OPCML: variants seen among roughly 807,000 people sequenced by gnomAD.
OPCML encodes the protein opioid-binding protein/cell adhesion molecule.
In OPCML, 13 loss-of-function variants were observed where a neutral mutation model predicts 37.8. That is an observed-to-expected ratio of 0.34 (90% CI 0.22 to 0.55). OPCML has a LOEUF of 0.55. Among genes scored for constraint, OPCML ranks in the 20% least tolerant of loss-of-function variants. The probability of loss-of-function intolerance (pLI) is 0.91; values close to 1 mark genes in which losing one functional copy is unlikely to be tolerated. For missense variants in OPCML, 341 were observed against 435.6 expected (o/e 0.78, Z 1.93); for synonymous variants, 176 against 168.8 (o/e 1.04, Z -0.33).
chr11:133,075,048 G>T (rs913343268), intron 1 of OPCML, among the ~76,000 whole-genome samples: 1 of 152,174 alleles, frequency 6.6e-6, no homozygotes, highest in African/African-American at 2.4e-5. Context: ...AAGTGTGCGT[G>T]CAGTGGACGT....
intron 1 of OPCML, chr11:133,365,606 T>C (rs148921974): frequency 2.6e-5 from 4 of 152,190 alleles, no homozygotes; most frequent in East Asian, 1.9e-4. Flanking sequence ...CCATACCTCA[T>C]GTATGGTAGG....
chr11:132,463,521 G>T (rs532947804), intron 4 of OPCML, among the ~76,000 whole-genome samples: 1 of 152,190 alleles, frequency 6.6e-6, no homozygotes, highest in African/African-American at 2.4e-5. Context: ...AAGATTCCAC[G>T]TGATTCTCAC....
chr11:133,397,520 A>G (rs1945314475), intron 1 of OPCML, among the ~76,000 whole-genome samples: 1 of 152,244 alleles, frequency 6.6e-6, no homozygotes, highest in Non-Finnish European at 1.5e-5. Context: ...CAAAGCAGAG[A>G]TCACCTGGAG....
intron 1 of OPCML, among the ~76,000 whole-genome samples, chr11:133,281,675 G>T (rs1195994020): frequency 6.6e-6 from 1 of 151,848 alleles, no homozygotes; most frequent in Non-Finnish European, 1.5e-5. Flanking sequence ...GAGTGTAGAG[G>T]GCTCAGAAGA....
chr11:132,796,717 A>G (rs1161578955), intron 2 of OPCML, among the ~76,000 whole-genome samples: 1 of 151,740 alleles, frequency 6.6e-6, no homozygotes, highest in African/African-American at 2.4e-5. Flanking sequence ...AGCTGGGACT[A>G]CAGGCGCCAG....
chr11:133,432,738 T>C (rs1401868433), intron 1 of OPCML, among the ~76,000 whole-genome samples: 1 of 152,218 alleles, frequency 6.6e-6, no homozygotes. Flanking sequence ...TTTACATCCA[T>C]GGTTCTCAAA....
intron 2 of OPCML, among the ~76,000 whole-genome samples, chr11:132,912,228 C>A (rs948640859): frequency 2.0e-5 from 3 of 151,888 alleles, no homozygotes; most frequent in Non-Finnish European, 2.9e-5. Flanking sequence ...TTGACCTTAT[C>A]TTTCATAAAG....
chr11:132,932,325 A>G (rs1945233238), intron 2 of OPCML, among the ~76,000 whole-genome samples: 2 of 152,170 alleles, frequency 1.3e-5, no homozygotes, highest in Admixed American at 6.5e-5. Context: ...TATTTTTACC[A>G]CAATAAAAAC....
At chr11:133,366,877 T>C (rs1191667132) in intron 1 of OPCML, among the ~76,000 whole-genome samples, 3 of 152,260 alleles carry the variant, frequency 2.0e-5, no homozygotes, top group South Asian at 2.1e-4. Context: ...GAGGCACCAA[T>C]AGAAGGCACA....
intron 2 of OPCML, among the ~76,000 whole-genome samples, chr11:132,766,299 T>C (rs1436786369): frequency 6.6e-6 from 1 of 152,106 alleles, no homozygotes; most frequent in African/African-American, 2.4e-5. Context: ...ATTTACATAG[T>C]CTCAAAATGT....
chr11:132,752,512 C>T (rs1238835121), intron 2 of OPCML, among the ~76,000 whole-genome samples: 1 of 151,944 alleles, frequency 6.6e-6, no homozygotes, highest in Non-Finnish European at 1.5e-5. Flanking sequence ...CAATTCACTG[C>T]CATAGAACTG....
chr11:133,096,130 A>ATGTGTGTGTGTG (rs59616366), intron 1 of OPCML, among the ~76,000 whole-genome samples: 7 of 150,096 alleles, frequency 4.7e-5, no homozygotes, highest in African/African-American at 1.5e-4. Context: ...TTGTGCACAA[A>ATGTGTGTGTGTG]TGTGTGTGTG....
chr11:132,873,871 C>G (rs1942910215), intron 2 of OPCML, among the ~76,000 whole-genome samples: 1 of 152,056 alleles, frequency 6.6e-6, no homozygotes, highest in Non-Finnish European at 1.5e-5. Context: ...AAAATGTAGT[C>G]AAATCATTAG....
At chr11:132,989,602 CGTGT>C (rs72145712) in intron 1 of OPCML, among the ~76,000 whole-genome samples, 46,875 of 138,944 alleles carry the variant, frequency 0.34, 7,709 homozygotes, top group East Asian at 0.4. Flanking sequence ...GGTCCTAGAG[CGTGT>C]GTGTGTGTGT....
At chr11:132,434,077 A>G (rs1592167011) in intron 7 of OPCML, among the ~76,000 whole-genome samples, 2 of 152,288 alleles carry the variant, frequency 1.3e-5, no homozygotes, top group African/African-American at 2.4e-5. Flanking sequence ...CCTTCTCTGC[A>G]TCATACTCCC....
chr11:133,301,692 A>G (rs1479038702), intron 1 of OPCML: 1 of 152,186 alleles, frequency 6.6e-6, no homozygotes, highest in Non-Finnish European at 1.5e-5. Flanking sequence ...ACATGCGCTT[A>G]GGTAGTGTAC....
chr11:133,346,742 A>G (rs1944010791), intron 1 of OPCML, among the ~76,000 whole-genome samples: 1 of 152,214 alleles, frequency 6.6e-6, no homozygotes. Context: ...TCGTTTTACC[A>G]CTTGTTTGAT....
intron 7 of OPCML, among the ~76,000 whole-genome samples, chr11:132,425,009 T>G (rs1255451601): frequency 6.6e-6 from 1 of 152,192 alleles, no homozygotes; most frequent in Non-Finnish European, 1.5e-5. Flanking sequence ...AGCAGGGCAC[T>G]GGGAGCCAGC....
intron 3 of OPCML, among the ~76,000 whole-genome samples, chr11:132,586,933 C>T (rs190421055): frequency 6.6e-6 from 1 of 152,296 alleles, no homozygotes; most frequent in African/African-American, 2.4e-5. Context: ...CTTGGGAGCC[C>T]TCTGCAGGCT....
Sources: gnomAD v4.1 joint callset for allele counts (sites outside exome capture counted in the v4.1 genomes callset) on GRCh38, gnomAD v4.1.1 for gene constraint, MANE v1.5 for transcripts, NCBI Gene and HGNC (gene_info 2026-07-23, HGNC 2026-07-21) for gene names.